CRIM1: variants seen among roughly 807,000 people sequenced by gnomAD.
CRIM1 encodes the protein cysteine rich transmembrane BMP regulator 1.
Under a neutral mutation model 116.4 loss-of-function variants are expected in CRIM1, and 32 were observed. The ratio of observed to expected loss-of-function variants is 0.27; its 90% confidence interval spans 0.21 to 0.37. The LOEUF (loss-of-function observed/expected upper bound fraction) is 0.37. CRIM1 is among the 10% of genes least tolerant of loss of function. The pLI is 1.00. For missense variants in CRIM1, 1,331 were observed against 1,354.8 expected (o/e 0.98, Z 0.28); for synonymous variants, 590 against 509.2 (o/e 1.16, Z -2.13).
At chr2:36,510,811 G>T (rs1664620677) in intron 9 of CRIM1, among the ~76,000 whole-genome samples, 2 of 151,692 alleles carry the variant, frequency 1.3e-5, no homozygotes, top group Admixed American at 6.6e-5. Context: ...TTTATATCAG[G>T]TTGATGCCTT....
intron 2 of CRIM1, among the ~76,000 whole-genome samples, chr2:36,422,566 G>A (rs1674151323): frequency 6.6e-6 from 1 of 152,090 alleles, no homozygotes; most frequent in Non-Finnish European, 1.5e-5. Context: ...ATGAATTTAG[G>A]TAGTAATTTA....
At chr2:36,487,713 A>G (rs1228121650) in intron 7 of CRIM1, among the ~76,000 whole-genome samples, 1 of 152,180 alleles carries the variant, frequency 6.6e-6, no homozygotes, top group African/African-American at 2.4e-5. Flanking sequence ...TAACATGAAC[A>G]GCATTTTGGC....
intron 9 of CRIM1, among the ~76,000 whole-genome samples, chr2:36,510,394 A>G (rs140651464): frequency 1.8e-4 from 28 of 152,310 alleles, no homozygotes; most frequent in African/African-American, 6.3e-4. Flanking sequence ...AGACTTTCCC[A>G]TAGCAGAGTC....
intron 1 of CRIM1, among the ~76,000 whole-genome samples, chr2:36,358,600 C>T (rs571704692): frequency 5.9e-5 from 9 of 152,148 alleles, no homozygotes; most frequent in Non-Finnish European, 1.2e-4. Context: ...TGATGTGATC[C>T]CTCATAGCTT....
chr2:36,523,457 C>T (rs1259087173), intron 13 of CRIM1, among the ~76,000 whole-genome samples: 1 of 152,194 alleles, frequency 6.6e-6, no homozygotes, highest in Middle Eastern at 3.2e-3. Flanking sequence ...AAAACTAGTC[C>T]TATGGACATA....
At chr2:36,419,840 T>G (rs1335354732) in intron 2 of CRIM1, among the ~76,000 whole-genome samples, 2 of 152,232 alleles carry the variant, frequency 1.3e-5, no homozygotes, top group East Asian at 3.8e-4. Context: ...TGTGGTTATA[T>G]ACAGTGGTCA....
At chr2:36,417,466 T>G (rs1330194434) in intron 2 of CRIM1, among the ~76,000 whole-genome samples, 2 of 152,180 alleles carry the variant, frequency 1.3e-5, no homozygotes, top group African/African-American at 2.4e-5. Flanking sequence ...CATAGCAGAT[T>G]GTATACGTTC....
chr2:36,514,420 A>G (rs1037971840), intron 11 of CRIM1, among the ~76,000 whole-genome samples: 2 of 152,252 alleles, frequency 1.3e-5, no homozygotes, highest in Non-Finnish European at 2.9e-5. Context: ...CGTTTTATCC[A>G]AAGAGCTCAA....
chr2:36,448,632 C>CCAAAG (rs1676439650), intron 4 of CRIM1, among the ~76,000 whole-genome samples: 1 of 66,790 alleles, frequency 1.5e-5, no homozygotes, highest in African/African-American at 8.0e-5. Flanking sequence ...TGATAAGTAA[C>CCAAAG]TTTGTACCTT....
intron 2 of CRIM1, among the ~76,000 whole-genome samples, chr2:36,399,465 G>A (rs913235791): frequency 1.3e-5 from 2 of 152,188 alleles, no homozygotes; most frequent in African/African-American, 2.4e-5. Flanking sequence ...AGAACCTACG[G>A]TATCTGCTAG....
rs147046118 is a variant in CRIM1, at chr2:36,503,180, G to A, written c.1501+3833G>A. 9.1e-3 allele frequency among the ~76,000 whole-genome samples: 1,392 copies of A among 152,226 alleles called. 31 individuals are homozygous for A. The highest frequency in any genetic ancestry group is 0.032 in the African/African-American group (1,340 of 41,510). ...TGGGTTTTGTCAGATTCTTGCGATC[G>A]TATGCAACTCTCCTCTCAGGCTCTG... On this transcript the variant is annotated intron_variant, in intron 8 of 16. Coordinates refer to ENST00000280527, the MANE Select transcript of CRIM1 (RefSeq NM_016441.3).
chr2:36,513,835 T>C, intron 11 of CRIM1, 70 bp downstream of exon 11: 1 of 1,406,594 alleles, frequency 7.1e-7, no homozygotes, highest in South Asian at 1.2e-5. Flanking sequence ...CTAGACACAT[T>C]TGTAACTCTG....
At chr2:36,484,944 C>G (rs1679706363) in intron 7 of CRIM1, among the ~76,000 whole-genome samples, 1 of 152,176 alleles carries the variant, frequency 6.6e-6, no homozygotes, top group African/African-American at 2.4e-5. Flanking sequence ...TGTTCTATCT[C>G]TAACAGGAAG....
In CRIM1 at chr2:36,544,281, G is replaced by A. The variant is rs555765826; in HGVS notation, c.2624-95G>A. 9.7e-5 allele frequency: 105 copies of A among 1,083,124 alleles called. No homozygotes were observed. The Middle Eastern group carries it at 1.2e-3, about 12-fold the overall frequency. 67.1% of individuals were successfully genotyped at this position (1,083,124 alleles called of 1,614,324 possible). The stretch of plus-strand genomic sequence containing the variant: ...GCATCTTTCATGTCCCAGGAAATGT[G>A]GTCTTGAATTGAGTGCACCATTTGG... On this transcript the variant is annotated intron_variant, in intron 14 of 16. Transcript: ENST00000280527.
intron 7 of CRIM1, among the ~76,000 whole-genome samples, chr2:36,492,227 A>G (rs1224917154): frequency 3.9e-5 from 6 of 152,204 alleles, no homozygotes; most frequent in Non-Finnish European, 5.9e-5. Context: ...GAACATTTGC[A>G]CACTGTTCAT....
chr2:36,430,653 G>A (rs1674813872), intron 2 of CRIM1, among the ~76,000 whole-genome samples: 1 of 152,166 alleles, frequency 6.6e-6, no homozygotes, highest in South Asian at 2.1e-4. Context: ...GAAGTTTGCT[G>A]GAGCCGAAGG....
chr2:36,539,057 A>G (rs1242258956), intron 14 of CRIM1, among the ~76,000 whole-genome samples: 1 of 152,228 alleles, frequency 6.6e-6, no homozygotes, highest in African/African-American at 2.4e-5. Context: ...AGTAGGGAGA[A>G]GCCAGGCAGC....
chr2:36,413,054 CTTTAT>C (rs1673330161), intron 2 of CRIM1, among the ~76,000 whole-genome samples: 1 of 152,144 alleles, frequency 6.6e-6, no homozygotes, highest in African/African-American at 2.4e-5. Flanking sequence ...TTACGAATGA[CTTTAT>C]TCACTTACTG....
chr2:36,388,221 T>A (rs1671316915), intron 1 of CRIM1, among the ~76,000 whole-genome samples: 1 of 152,164 alleles, frequency 6.6e-6, no homozygotes, highest in South Asian at 2.1e-4. Flanking sequence ...TAAACGAGAT[T>A]TACTGAGACC....
Sources: gnomAD v4.1 joint callset for allele counts (sites outside exome capture counted in the v4.1 genomes callset) on GRCh38, gnomAD v4.1.1 for gene constraint, MANE v1.5 for transcripts, NCBI Gene and HGNC (gene_info 2026-07-23, HGNC 2026-07-21) for gene names.